The following HTR2C variants were observed in gnomAD, a reference collection of about 807,000 sequenced individuals.
HTR2C encodes 5-hydroxytryptamine receptor 2C.
A neutral mutation model predicts 21.0 loss-of-function variants in HTR2C; 5 were observed. The ratio of observed to expected loss-of-function variants is 0.24; its 90% confidence interval spans 0.12 to 0.50. The LOEUF is 0.50. Ranked by LOEUF, HTR2C falls within the 20% of genes least tolerant of loss-of-function variation. The pLI is 0.98. For synonymous variants in HTR2C, 150 were observed against 145.3 expected, an observed-to-expected ratio of 1.03 and a Z score of -0.23; for missense variants, 271 against 371.2, an observed-to-expected ratio of 0.73 and a Z score of 2.22.
At position 114,881,500 on chromosome X, in the gene HTR2C, GT is replaced by G. The variant is rs368147826; in HGVS notation, c.551-25078del. ...TTTAGGTCTTTGAACTATTTTGAGG[GT>G]TTTTTTTTTTCTGTGAATGGTGCAA... On this transcript the variant is annotated intron_variant, in intron 5 of 5. Transcript: ENST00000276198. Among the ~76,000 whole-genome samples, 301 of 101,416 alleles carry G rather than the reference GT, an allele frequency of 3.0e-3. 1 individual carries two copies. The highest frequency in any genetic ancestry group is 4.5e-3 in the Non-Finnish European group (219 of 49,050). 88.1% of individuals were successfully genotyped at this position (101,416 alleles called of 115,157 possible). A position where few individuals can be genotyped will look rare whatever the true frequency, so the allele number is the denominator to read the frequency against.
intron 2 of HTR2C, among the ~76,000 whole-genome samples, chrX:114,689,516 T>A (rs186208940): frequency 7.7e-4 from 84 of 109,786 alleles, no homozygotes; most frequent in African/African-American, 2.6e-3. Context: ...CACACCAACA[T>A]CTATTTTTTT....
intron 4 of HTR2C, among the ~76,000 whole-genome samples, chrX:114,743,469 AT>A (rs1265849284): frequency 1.8e-5 from 2 of 112,367 alleles, no homozygotes; most frequent in Non-Finnish European, 1.9e-5. Context: ...AAAATACAAT[AT>A]CTAAATTTAA....
chrX:114,905,868 A>G (rs2071368224), intron 5 of HTR2C, among the ~76,000 whole-genome samples: 1 of 111,254 alleles, frequency 9.0e-6, no homozygotes. Flanking sequence ...CTAGAGTACT[A>G]CCTCTCAGTA....
intron 2 of HTR2C, among the ~76,000 whole-genome samples, chrX:114,717,975 G>C (rs1354353310): frequency 9.0e-6 from 1 of 111,378 alleles, no homozygotes; most frequent in African/African-American, 3.3e-5. Flanking sequence ...CCTTTAAAAA[G>C]CCTTGTTCGT....
At chrX:114,804,314 C>G (rs1223714306) in intron 4 of HTR2C, among the ~76,000 whole-genome samples, 1 of 111,316 alleles carries the variant, frequency 9.0e-6, no homozygotes, top group Non-Finnish European at 1.9e-5. Flanking sequence ...TGTGGCTGAA[C>G]AATAAGTTTC....
chrX:114,589,350 G>A (rs1927535122), intron 1 of HTR2C, among the ~76,000 whole-genome samples: 1 of 111,479 alleles, frequency 9.0e-6, no homozygotes, highest in Non-Finnish European at 1.9e-5. Flanking sequence ...GAGTTACAGA[G>A]ATAATACAAA....
At chrX:114,633,687 T>A (rs1018593711) in intron 2 of HTR2C, among the ~76,000 whole-genome samples, 2 of 111,124 alleles carry the variant, frequency 1.8e-5, no homozygotes, top group Non-Finnish European at 3.8e-5. Flanking sequence ...TCATGAAAAT[T>A]GTATCAAAAT....
At chrX:114,602,617 C>T (rs1293540826) in intron 1 of HTR2C, among the ~76,000 whole-genome samples, 1 of 79,559 alleles carries the variant, frequency 1.3e-5, no homozygotes, top group Non-Finnish European at 2.4e-5. Flanking sequence ...ACTAATAAAA[C>T]TCATCTGTTA....
In HTR2C at chrX:114,906,716, G is replaced by T; in HGVS notation, c.678G>T (p.Pro226=). 1 of 1,210,865 alleles carries T rather than the reference G, an allele frequency of 8.3e-7. No homozygotes were observed. The highest frequency in any genetic ancestry group is 1.1e-6 in the Non-Finnish European group (1 of 895,067). ...LIGSFVAFFI[P]LTIMVITYCL... ...GGTCCTTCGTAGCTTTCTTCATACC[G>T]CTGACGATTATGGTGATTACGTATT... The change falls in exon 6 of 6, where the codon CCG becomes CCT. Residue 226 remains proline (P), a synonymous_variant. Transcript: ENST00000276198.
intron 1 of HTR2C, among the ~76,000 whole-genome samples, chrX:114,591,757 T>C (rs1927642695): frequency 8.9e-6 from 1 of 112,298 alleles, no homozygotes; most frequent in African/African-American, 3.2e-5. Flanking sequence ...AGAATTTCAG[T>C]TGAGGGCTTA....
At chrX:114,722,224 GGTC>G (rs1933247726) in intron 2 of HTR2C, among the ~76,000 whole-genome samples, 1 of 110,162 alleles carries the variant, frequency 9.1e-6, no homozygotes, top group Non-Finnish European at 1.9e-5. Flanking sequence ...TCCTTGAAGA[GGTC>G]CTTCACATCC....
chrX:114,826,904 A>G (rs1328521971), intron 4 of HTR2C, among the ~76,000 whole-genome samples: 1 of 110,309 alleles, frequency 9.1e-6, no homozygotes, highest in Non-Finnish European at 1.9e-5. Context: ...GGAATGGGAA[A>G]CATTCTTTTG....
chrX:114,805,075 G>A (rs1010489559), intron 4 of HTR2C, among the ~76,000 whole-genome samples: 26 of 111,813 alleles, frequency 2.3e-4, no homozygotes, highest in African/African-American at 8.4e-4. Flanking sequence ...TTAATCTGCA[G>A]GAAAGAAGCA....
intron 4 of HTR2C, among the ~76,000 whole-genome samples, chrX:114,822,465 T>C (rs1276172757): frequency 8.9e-6 from 1 of 112,388 alleles, no homozygotes; most frequent in Non-Finnish European, 1.9e-5. Context: ...TCATGATTGC[T>C]TCTTTGTCCT....
At chrX:114,623,843 T>A (rs1556402244) in intron 2 of HTR2C, among the ~76,000 whole-genome samples, 1 of 110,070 alleles carries the variant, frequency 9.1e-6, no homozygotes. Flanking sequence ...TTATTTATAA[T>A]GCAATTGAAA....
intron 1 of HTR2C, among the ~76,000 whole-genome samples, chrX:114,590,963 A>G (rs969386288): frequency 8.9e-6 from 1 of 112,226 alleles, no homozygotes; most frequent in African/African-American, 3.2e-5. Context: ...GCAATTCCTA[A>G]ATGCCTTTGC....
At chrX:114,714,818 C>T (rs1204553977) in intron 2 of HTR2C, among the ~76,000 whole-genome samples, 2 of 111,507 alleles carry the variant, frequency 1.8e-5, no homozygotes, top group East Asian at 5.7e-4. Context: ...GTTTGAGTGA[C>T]ACATCAAGAA....
At chrX:114,806,779 CACACCATATATATACCATATATAT>C (rs1569495972) in intron 4 of HTR2C, among the ~76,000 whole-genome samples, 9 of 86,689 alleles carry the variant, frequency 1.0e-4, no homozygotes, top group African/African-American at 2.4e-4. Context: ...CATATATATA[CACACCATATATATACCATATATAT>C]ACACCATATA....
At chrX:114,819,317 C>A (rs1218110438) in intron 4 of HTR2C, among the ~76,000 whole-genome samples, 1 of 111,709 alleles carries the variant, frequency 9.0e-6, no homozygotes, top group African/African-American at 3.3e-5. Flanking sequence ...ATAGTAGTTA[C>A]TGTCAACTGA....
Sources: gnomAD v4.1 joint callset for allele counts (sites outside exome capture counted in the v4.1 genomes callset) on GRCh38, gnomAD v4.1.1 for gene constraint, MANE v1.5 for transcripts, NCBI Gene and HGNC (gene_info 2026-07-23, HGNC 2026-07-21) for gene names.